The following TNRC6A variants were observed in gnomAD, a reference collection of about 807,000 sequenced individuals.
The protein encoded by TNRC6A is trinucleotide repeat containing adaptor 6A, also known as trinucleotide repeat-containing gene 6A protein.
A neutral mutation model predicts 221.2 loss-of-function variants in TNRC6A; 44 were observed. The observed-to-expected ratio is 0.20, with a 90% CI of 0.16 to 0.26. The LOEUF (loss-of-function observed/expected upper bound fraction) is 0.26, where lower values mean the gene tolerates loss of function less well. Among genes scored for constraint, TNRC6A ranks in the 10% least tolerant of loss-of-function variants. TNRC6A has a pLI of 1.00. For missense variants in TNRC6A, 2,199 were observed against 2,404.4 expected (o/e 0.91, Z 1.79); for synonymous variants, 847 against 838.5 (o/e 1.01, Z -0.18).
chr16:24,666,830 T>A (rs994598048), intron 2 of TNRC6A, among the ~76,000 whole-genome samples: 4 of 151,318 alleles, frequency 2.6e-5, no homozygotes, highest in African/African-American at 9.7e-5. Context: ...AAAACACCAC[T>A]CTTGGCTGGG....
intron 1 of TNRC6A, among the ~76,000 whole-genome samples, chr16:24,634,966 TTTG>T (rs1331516784): frequency 1.3e-5 from 2 of 152,128 alleles, no homozygotes; most frequent in Non-Finnish European, 2.9e-5. Flanking sequence ...CTTCATTTGT[TTTG>T]TTGTTGTTGA....
intron 2 of TNRC6A, among the ~76,000 whole-genome samples, chr16:24,732,980 G>A (rs1424210007): frequency 1.3e-5 from 2 of 152,194 alleles, no homozygotes; most frequent in Non-Finnish European, 2.9e-5. Flanking sequence ...ACTTTGGGAG[G>A]CCAAGGCAGG....
rs756557420 is a variant in TNRC6A, at chr16:24,750,651, AAATG to A, written c.54-71_54-68del. 94 of 1,394,966 alleles carry A rather than the reference AAATG, an allele frequency of 6.7e-5. No individual in the cohort carries two copies. The African/African-American group carries it at 9.2e-4, about 14-fold the overall frequency. The allele number at this position is 1,394,966 out of a possible 1,614,324, so 86.4% of individuals were successfully genotyped here. ...TCTTCTAATAAGAGTGAAAAAGTGA[AAATG>A]AATCTGTATGCAACATTATTTTTAT... is the stretch of plus-strand genomic sequence containing the variant. On this transcript the variant is annotated intron_variant, in intron 2 of 24. Transcript: ENST00000395799.
intron 2 of TNRC6A, among the ~76,000 whole-genome samples, chr16:24,747,357 A>T (rs1279375651): frequency 6.6e-6 from 1 of 152,182 alleles, no homozygotes; most frequent in African/African-American, 2.4e-5. Flanking sequence ...TCAAGTTCTG[A>T]TAAAAGGGGA....
intron 2 of TNRC6A, among the ~76,000 whole-genome samples, chr16:24,656,291 C>T (rs1261832909): frequency 2.6e-5 from 4 of 151,588 alleles, no homozygotes; most frequent in African/African-American, 4.8e-5. Flanking sequence ...GGCAAAACCC[C>T]GTCTCTACTA....
chr16:24,669,543 T>C (rs1479342498), intron 2 of TNRC6A, among the ~76,000 whole-genome samples: 1 of 151,984 alleles, frequency 6.6e-6, no homozygotes, highest in Non-Finnish European at 1.5e-5. Context: ...TGTTGAGTCA[T>C]GCCTTTGTTG....
chr16:24,750,432 A>G (rs2057109879), intron 2 of TNRC6A, among the ~76,000 whole-genome samples: 1 of 152,102 alleles, frequency 6.6e-6, no homozygotes, highest in African/African-American at 2.4e-5. Flanking sequence ...ACATTCTAGG[A>G]TTGGAGGAAA....
chr16:24,635,063 C>CCTTT (rs947566596), intron 1 of TNRC6A, among the ~76,000 whole-genome samples: 1 of 151,632 alleles, frequency 6.6e-6, no homozygotes, highest in African/African-American at 2.4e-5. Context: ...AAGTGAGTCA[C>CCTTT]CTTTCTTTCT....
chr16:24,686,539 A>G (rs1325006215), intron 2 of TNRC6A, among the ~76,000 whole-genome samples: 1 of 152,204 alleles, frequency 6.6e-6, no homozygotes. Context: ...TGGGCACTTC[A>G]TAAATAATTA....
At chr16:24,707,561 G>A (rs961260042) in intron 2 of TNRC6A, among the ~76,000 whole-genome samples, 2 of 152,118 alleles carry the variant, frequency 1.3e-5, no homozygotes, top group African/African-American at 4.8e-5. Context: ...AAGAATAAAT[G>A]TCCTTAATAA....
intron 2 of TNRC6A, among the ~76,000 whole-genome samples, chr16:24,659,155 A>T (rs1043234732): frequency 1.3e-5 from 2 of 151,868 alleles, no homozygotes; most frequent in East Asian, 3.9e-4. Context: ...TTATTATTTT[A>T]TTCCTTCTTA....
chr16:24,664,820 A>G (rs1016486247), intron 2 of TNRC6A: 11 of 450,854 alleles, frequency 2.4e-5, no homozygotes, highest in Non-Finnish European at 4.4e-5. Flanking sequence ...CACAAAACCT[A>G]TAAGAAATCC....
In TNRC6A at chr16:24,820,326, A is replaced by AG; in HGVS notation, c.5270dup (p.Trp1758MetfsTer5). On this transcript the variant is annotated frameshift_variant, in exon 22 of 25. Transcript: ENST00000395799. LOFTEE classifies it high-confidence loss of function. ...ATAATTCTCCCCTTCGTATAGGTGG[A>AG]GGATGGGGAAATTCTGACGCCAGAT... 1 of 1,614,200 alleles carries AG rather than the reference A, an allele frequency of 6.2e-7. No individual in the cohort carries two copies. The highest frequency in any genetic ancestry group is 8.5e-7 in the Non-Finnish European group (1 of 1,180,026).
chr16:24,614,714 A>G (rs1596535353), intron 1 of TNRC6A, among the ~76,000 whole-genome samples: 1 of 152,214 alleles, frequency 6.6e-6, no homozygotes, highest in African/African-American at 2.4e-5. Context: ...GCACATGCAA[A>G]GGCCCCCAGG....
At chr16:24,702,824 A>C (rs2056013906) in intron 2 of TNRC6A, among the ~76,000 whole-genome samples, 1 of 151,964 alleles carries the variant, frequency 6.6e-6, no homozygotes, top group African/African-American at 2.4e-5. Context: ...TCATGAGGTC[A>C]GGAGATCGAG....
Position 24,823,350 on chromosome 16 carries a change from A to G in TNRC6A, c.5514-82A>G, listed in dbSNP as rs934367202. 24 of 1,506,110 alleles carry G rather than the reference A, an allele frequency of 1.6e-5. No individual in the cohort carries two copies. Among genetic ancestry groups the G allele is most frequent in the African/African-American group, 4.2e-5 (3 of 71,882 alleles). 93.3% of individuals were successfully genotyped at this position (1,506,110 alleles called of 1,614,324 possible). A position where few individuals can be genotyped will look rare whatever the true frequency, so the allele number is the denominator to read the frequency against. On this transcript the variant is annotated intron_variant, in intron 24 of 24. Transcript: ENST00000395799. This position sits in a 1 kb window ranked among gnomAD's most constrained non-coding sequence, Gnocchi z 4.3. ...GCCTTCTGTGGCTTTTCTAGCAGAGACAAGTTGCACCCTCACTTGTGAGTG... is the reference window on the plus strand; with the variant it reads ...GCCTTCTGTGGCTTTTCTAGCAGAGGCAAGTTGCACCCTCACTTGTGAGTG...
chr16:24,778,136 A>G (rs1245860323), intron 5 of TNRC6A, among the ~76,000 whole-genome samples: 1 of 152,184 alleles, frequency 6.6e-6, no homozygotes, highest in African/African-American at 2.4e-5. Context: ...TAAAGAAGGA[A>G]GTCTCTAGAA....
Position 24,655,051 on chromosome 16 carries a change from C to T in TNRC6A, n.402+14042C>T, listed in dbSNP as rs1373356908. ...TGAGCCCAGGAGTTCAAGACTAGCC[C>T]GGGCAACATGACAGAACCCCATCGC... On this transcript the variant is annotated intron_variant and non_coding_transcript_variant, in intron 2 of 2. Transcript: ENST00000566108. Among the ~76,000 whole-genome samples the T allele has an allele frequency of 4.6e-5, 7 of 151,398 alleles. No homozygotes were observed. The East Asian group carries it at 5.9e-4, about 13-fold the overall frequency.
intron 11 of TNRC6A, among the ~76,000 whole-genome samples, chr16:24,802,842 A>T (rs1269451230): frequency 2.6e-5 from 4 of 152,184 alleles, no homozygotes; most frequent in African/African-American, 9.6e-5. Flanking sequence ...GAATGGACAG[A>T]TGGTGAGGAG....
Sources: gnomAD v4.1 joint callset for allele counts (sites outside exome capture counted in the v4.1 genomes callset) on GRCh38, gnomAD v4.1.1 for gene constraint, Gnocchi (gnomAD v3.1) non-coding constraint, MANE v1.5 for transcripts, NCBI Gene and HGNC (gene_info 2026-07-23, HGNC 2026-07-21) for gene names.